The following HEBP1 variants were observed in gnomAD, a reference collection of about 807,000 sequenced individuals.
The protein encoded by HEBP1 is heme-binding protein 1.
Under a neutral mutation model 20.4 loss-of-function variants are expected in HEBP1, and 13 were observed. The observed-to-expected ratio is 0.64, with a 90% confidence interval of 0.42 to 1.01. The LOEUF (loss-of-function observed/expected upper bound fraction) is 1.01, where lower values mean the gene tolerates loss of function less well. HEBP1 is among the 50% of genes least tolerant of loss of function. The pLI, the probability that HEBP1 is intolerant of heterozygous loss-of-function variation, is 0.00. For synonymous variants in HEBP1, 92 were observed against 90.7 expected (o/e 1.01, Z -0.08); for missense variants, 241 against 247.3 (o/e 0.97, Z 0.17).
chr12:12,978,188 C>A (rs1263096990), intron 3 of HEBP1, among the ~76,000 whole-genome samples: 2 of 147,256 alleles, frequency 1.4e-5, no homozygotes, highest in Non-Finnish European at 3.0e-5. Flanking sequence ...CACAGGTAGA[C>A]CTACGAAAGG....
Position 13,000,128 on chromosome 12 carries a change from CGCTCCCG to C in HEBP1, c.-21_-15del. 1 of 1,592,470 alleles carries C rather than the reference CGCTCCCG, an allele frequency of 6.3e-7. No individual in the cohort carries two copies. Among genetic ancestry groups the C allele is most frequent in the Non-Finnish European group, 8.6e-7 (1 of 1,167,740 alleles). ...CATGCCCAACATGTTGTAGCCGAGA[CGCTCCCG>C]ACGCACGGGAGGACGTGAGGTGGCG... On this transcript the variant is annotated 5_prime_UTR_variant, in exon 1 of 4. Coordinates refer to ENST00000014930, the MANE Select transcript of HEBP1 (RefSeq NM_015987.5).
chr12:12,989,515 T>C, intron 1 of HEBP1, 100 bp from the exon 2 acceptor site: 1 of 1,141,788 alleles, frequency 8.8e-7, no homozygotes, highest in Non-Finnish European at 1.3e-6. Context: ...CCTTGGTGGG[T>C]ATGGCCATAG....
intron 1 of HEBP1, among the ~76,000 whole-genome samples, chr12:12,993,888 A>G (rs1414815413): frequency 1.3e-5 from 2 of 152,184 alleles, no homozygotes; most frequent in East Asian, 3.9e-4. Flanking sequence ...AACACAGGAA[A>G]GGACCACTTA....
Position 13,000,129 on chromosome 12 carries a change from G to A in HEBP1, c.-15C>T. 1 of 1,591,332 alleles carries A rather than the reference G, an allele frequency of 6.3e-7. No homozygotes were observed. On this transcript the variant is annotated 5_prime_UTR_variant, in exon 1 of 4. Transcript: ENST00000014930. ...ATGCCCAACATGTTGTAGCCGAGAC[G>A]CTCCCGACGCACGGGAGGACGTGAG...
Position 12,975,346 on chromosome 12 carries a change from AG to A in HEBP1, c.531del (p.Tyr178ThrfsTer10), listed in dbSNP as rs1863963892. 6.2e-7 allele frequency: 1 copy of A among 1,613,916 alleles called. No homozygotes were observed. Among genetic ancestry groups the A allele is most frequent in the South Asian group, 1.1e-5 (1 of 91,074 alleles). ...FCTGYDPPMK[P>X]YGRRNEIWLL... is the part of the protein sequence containing the mutation. ...AGCCAGATCTCATTGCGCCGTCCGT[AG>A]GGCTTCATGGGAGGGTCATAACCCG... On this transcript the variant is annotated frameshift_variant, in exon 4 of 4. Coordinates refer to ENST00000014930, the MANE Select transcript of HEBP1 (RefSeq NM_015987.5). LOFTEE classifies it high-confidence loss of function.
chr12:13,000,239 A>G lies in HEBP1; in HGVS notation c.-125T>C, dbSNP rs1302366714. On this transcript the variant is annotated 5_prime_UTR_variant, in exon 1 of 4. Coordinates refer to ENST00000014930, the MANE Select transcript of HEBP1 (RefSeq NM_015987.5). The stretch of plus-strand genomic sequence containing the variant: ...CAGGGCGGCAGGGCGGCAGGGTGGC[A>G]GGGCGGCAAGGCGGCGGGACGGCGA... 21 of 360,480 alleles carry G rather than the reference A, an allele frequency of 5.8e-5. No homozygotes were observed. Among genetic ancestry groups the G allele is most frequent in the South Asian group, 1.6e-4 (2 of 12,324 alleles). The allele number at this position is 360,480 out of a possible 1,614,324, so 22.3% of individuals were successfully genotyped here.
At chr12:12,982,274 G>C (rs1185382879) in intron 3 of HEBP1, among the ~76,000 whole-genome samples, 1 of 152,206 alleles carries the variant, frequency 6.6e-6, no homozygotes, top group Non-Finnish European at 1.5e-5. Context: ...GCAAAATAAA[G>C]CTGGATAAGA....
chr12:12,997,765 CCAT>C (rs562830557), intron 1 of HEBP1, among the ~76,000 whole-genome samples: 1 of 152,156 alleles, frequency 6.6e-6, no homozygotes, highest in Non-Finnish European at 1.5e-5. Flanking sequence ...CCTGTGTGGG[CCAT>C]CATCATTAAT....
chr12:12,990,326 GC>G (rs1002815813), intron 1 of HEBP1, among the ~76,000 whole-genome samples: 1 of 146,698 alleles, frequency 6.8e-6, no homozygotes, highest in Non-Finnish European at 1.5e-5. Context: ...ATACCACCAT[GC>G]CCTGCTAATT....
At chr12:12,979,325 G>T (rs1041133719) in intron 3 of HEBP1, 2 of 152,278 alleles carry the variant, frequency 1.3e-5, no homozygotes, top group East Asian at 1.9e-4. Context: ...TTGCTTCATC[G>T]TAGAATCCTT....
At chr12:12,983,398 C>A in intron 3 of HEBP1, 1 of 245,298 alleles carries the variant, frequency 4.1e-6, no homozygotes, top group South Asian at 4.4e-5. Flanking sequence ...ATGTATAATC[C>A]CTTTGTAAAC....
chr12:12,981,287 T>C (rs985396274), intron 3 of HEBP1, among the ~76,000 whole-genome samples: 5 of 152,094 alleles, frequency 3.3e-5, no homozygotes, highest in African/African-American at 1.2e-4. Context: ...GACATGCTGA[T>C]TTGGGAGATA....
intron 1 of HEBP1, among the ~76,000 whole-genome samples, chr12:12,992,496 G>T (rs1315175731): frequency 1.3e-5 from 2 of 151,980 alleles, no homozygotes; most frequent in Non-Finnish European, 2.9e-5. Context: ...GAGCCACTGT[G>T]CCCGGCCTTA....
rs1348787176 is a variant in HEBP1, at chr12:13,000,235, TGGCAGGGC to T, written c.-129_-122del. On this transcript the variant is annotated 5_prime_UTR_variant, in exon 1 of 4. Transcript: ENST00000014930. ...GCGGCAGGGCGGCAGGGCGGCAGGG[TGGCAGGGC>T]GGCAAGGCGGCGGGACGGCGAGGCG... 3 of 134,370 alleles carry T rather than the reference TGGCAGGGC, an allele frequency of 2.2e-5. No individual in the cohort carries two copies. Among genetic ancestry groups the T allele is most frequent in the African/African-American group, 1.2e-4 (3 of 24,684 alleles). 8.3% of individuals were successfully genotyped at this position (134,370 alleles called of 1,614,324 possible).
chr12:12,987,438 G>C, intron 2 of HEBP1, 106 bp from the exon 3 acceptor site: 1 of 842,916 alleles, frequency 1.2e-6, no homozygotes, highest in East Asian at 2.6e-5. Flanking sequence ...GTATGTTTTT[G>C]TTCTTGAAAT....
chr12:12,981,214 A>C (rs1012742936), intron 3 of HEBP1, among the ~76,000 whole-genome samples: 2 of 152,234 alleles, frequency 1.3e-5, no homozygotes, highest in Non-Finnish European at 2.9e-5. Flanking sequence ...GGAGGGGACC[A>C]TCACTAAGAC....
In HEBP1 at chr12:12,983,279, G is replaced by T. The variant is rs939411620; in HGVS notation, c.398+3873C>A. ...GGAATGTTGCTGCTGGTCTAAGTGTGAGGATAATTCTATTGCCTCTTGTGA... is the reference window on the plus strand; with the variant it reads ...GGAATGTTGCTGCTGGTCTAAGTGTTAGGATAATTCTATTGCCTCTTGTGA... On this transcript the variant is annotated intron_variant, in intron 3 of 3. Transcript: ENST00000014930. The T allele has an allele frequency of 2.4e-5, 4 of 169,562 alleles. No individual in the cohort carries two copies. In the East Asian group the frequency reaches 5.2e-4, roughly 22 times the overall value. The allele number at this position is 169,562 out of a possible 1,614,324, so 10.5% of individuals were successfully genotyped here.
chr12:12,990,918 C>T (rs574296218), intron 1 of HEBP1, among the ~76,000 whole-genome samples: 4 of 152,114 alleles, frequency 2.6e-5, no homozygotes, highest in Admixed American at 6.5e-5. Context: ...GCCATTGCAC[C>T]GAGGAACAGA....
intron 3 of HEBP1, chr12:12,980,174 G>A (rs764230946): frequency 6.6e-6 from 1 of 152,268 alleles, no homozygotes; most frequent in Non-Finnish European, 1.5e-5. Flanking sequence ...ACTGCAACAG[G>A]AAGAGAGGCT....
Sources: gnomAD v4.1 joint callset for allele counts (sites outside exome capture counted in the v4.1 genomes callset) on GRCh38, gnomAD v4.1.1 for gene constraint, MANE v1.5 for transcripts, NCBI Gene and HGNC (gene_info 2026-07-23, HGNC 2026-07-21) for gene names.